Variants in ZMYM1 observed in about 807,000 individuals in gnomAD.
The protein encoded by ZMYM1 is zinc finger MYM-type containing 1, also known as zinc finger MYM-type protein 1.
Under a neutral mutation model 60.0 loss-of-function variants are expected in ZMYM1, and 39 were observed. The ratio of observed to expected loss-of-function variants is 0.65; its 90% CI spans 0.50 to 0.85. The LOEUF (loss-of-function observed/expected upper bound fraction) is 0.85. Among genes scored for constraint, ZMYM1 ranks in the 40% least tolerant of loss-of-function variants. ZMYM1 has a pLI of 0.00. For missense variants in ZMYM1, 1,171 were observed against 1,309.5 expected (o/e 0.89, Z 1.63); for synonymous variants, 413 against 454.0 (o/e 0.91, Z 1.15).
intron 6 of ZMYM1, 27 bp from the exon 7 acceptor site, chr1:35,110,267 A>G (rs1483737600): frequency 1.4e-6 from 2 of 1,426,728 alleles, no homozygotes; most frequent in African/African-American, 1.5e-5. Context: ...TACCAGGAAT[A>G]TGAATATTAT....
At chr1:35,116,835 A>ATTTTTTTTTTTTTTTTT (rs10671957), downstream of ZMYM1, among the ~76,000 whole-genome samples, 7 of 88,936 alleles carry the variant, frequency 7.9e-5, 1 homozygote, top group African/African-American at 3.2e-4. Flanking sequence ...TAGGCCTGGA[A>ATTTTTTTTTTTTTTTTT]TTTTTTTTTT....
At chr1:35,086,042 T>A (rs114380125) in intron 1 of ZMYM1, among the ~76,000 whole-genome samples, 2,265 of 152,300 alleles carry the variant, frequency 0.015, 51 homozygotes, top group African/African-American at 0.05. Context: ...TAAGCAAATT[T>A]TCAATGATGA....
intron 1 of ZMYM1, among the ~76,000 whole-genome samples, chr1:35,088,648 A>G (rs1285492922): frequency 6.6e-6 from 1 of 151,380 alleles, no homozygotes; most frequent in Non-Finnish European, 1.5e-5. Flanking sequence ...GTAGGGCTAT[A>G]TTAAAAGAAA....
At chr1:35,075,226 G>T (rs1245644038), upstream of ZMYM1, among the ~76,000 whole-genome samples, 1 of 152,052 alleles carries the variant, frequency 6.6e-6, no homozygotes, top group Non-Finnish European at 1.5e-5. Flanking sequence ...TTTGGTTTCT[G>T]TTTGCATAGA....
chr1:35,116,387 G>A (rs1200303061), downstream of ZMYM1, among the ~76,000 whole-genome samples: 1 of 152,140 alleles, frequency 6.6e-6, no homozygotes, highest in East Asian at 1.9e-4. Flanking sequence ...AAATTATTAA[G>A]CCATGTTATG....
chr1:35,079,969 G>A (rs1642284902), intron 1 of ZMYM1, among the ~76,000 whole-genome samples: 1 of 152,156 alleles, frequency 6.6e-6, no homozygotes, highest in Non-Finnish European at 1.5e-5. Context: ...AAAATTAGCT[G>A]GGCTTGGTGG....
intron 6 of ZMYM1, among the ~76,000 whole-genome samples, chr1:35,108,078 C>T (rs1643952895): frequency 6.6e-6 from 1 of 152,062 alleles, no homozygotes; most frequent in African/African-American, 2.4e-5. Flanking sequence ...TACCACTGCA[C>T]TCCAGCCTGG....
In ZMYM1 at chr1:35,114,210, C is replaced by G. The variant is rs1203207019; in HGVS notation, c.2380C>G (p.Leu794Val). Residue 794 changes from leucine to valine, a missense_variant, in exon 10 of 10, where the codon CTA (leucine) becomes GTA (valine). Physicochemically the swap from Leu to Val is conservative, Grantham distance 32 (BLOSUM62 1). Transcript: ENST00000359858. ...GGCAAATTTTCGAAACATTTATAGG[C>G]TAAGTCAAAACAAAACATGCAAGAA... ...MLANFRNIYR[L>V]SQNKTCKKHI... 1.9e-6 allele frequency: 3 copies of G among 1,613,354 alleles called. No individual in the cohort carries two copies. In the South Asian group the frequency reaches 3.3e-5, roughly 18 times the overall value.
At chr1:35,089,299 T>G (rs899916831) in intron 1 of ZMYM1, among the ~76,000 whole-genome samples, 4 of 152,212 alleles carry the variant, frequency 2.6e-5, no homozygotes, top group African/African-American at 9.6e-5. Flanking sequence ...AAGACTTGCA[T>G]GGCATGTGTA....
At chr1:35,116,544 G>A (rs1024915599), downstream of ZMYM1, among the ~76,000 whole-genome samples, 6 of 152,052 alleles carry the variant, frequency 3.9e-5, no homozygotes, top group African/African-American at 7.2e-5. Context: ...TGCAACCTCC[G>A]CCTCCCAGGT....
At chr1:35,076,910 G>C (rs1642176895), upstream of ZMYM1, among the ~76,000 whole-genome samples, 1 of 150,620 alleles carries the variant, frequency 6.6e-6, no homozygotes, top group African/African-American at 2.4e-5. Flanking sequence ...ACTCCAGCCA[G>C]GGTGACAAGA....
At chr1:35,069,814 A>G (rs1159032378) in intron 1 of ZMYM1, among the ~76,000 whole-genome samples, 2 of 152,052 alleles carry the variant, frequency 1.3e-5, no homozygotes, top group Admixed American at 6.6e-5. Context: ...TGCATATCCA[A>G]TTTTCCCAGC....
chr1:35,095,903 A>T lies in ZMYM1; in HGVS notation c.169+12A>T, dbSNP rs1266079213. ...GTTTTCAGAGAGTGGTAATAGAATTATTTAAGTTAGTTATGTTTATTCAGA... is the reference window on the plus strand; with the variant it reads ...GTTTTCAGAGAGTGGTAATAGAATTTTTTAAGTTAGTTATGTTTATTCAGA... On this transcript the variant is annotated intron_variant, in intron 3 of 9. Transcript: ENST00000359858. The T allele has an allele frequency of 6.4e-7, 1 of 1,568,294 alleles. No individual in the cohort carries two copies. Among genetic ancestry groups the T allele is most frequent in the Non-Finnish European group, 8.8e-7 (1 of 1,141,110 alleles).
At position 35,115,849 on chromosome 1, in the gene ZMYM1, G is replaced by A. The variant is rs1305057469; in HGVS notation, c.*590G>A. Reference sequence around the variant, plus strand: ...GAGAGTGCCTATTAAATCTTTGTAAGTGTTATCAAATGTTTTGATCTTTCC... The same window carrying A: ...GAGAGTGCCTATTAAATCTTTGTAAATGTTATCAAATGTTTTGATCTTTCC... On this transcript the variant is annotated 3_prime_UTR_variant, in exon 10 of 10. Transcript: ENST00000359858. 1 of 145,410 alleles carries A rather than the reference G, an allele frequency of 6.9e-6. No individual in the cohort carries two copies. Among genetic ancestry groups the A allele is most frequent in the Non-Finnish European group, 1.5e-5 (1 of 68,022 alleles). The allele number at this position is 145,410 out of a possible 1,614,324, so 9.0% of individuals were successfully genotyped here.
chr1:35,108,665 T>C (rs1189266858), intron 6 of ZMYM1, among the ~76,000 whole-genome samples: 1 of 151,862 alleles, frequency 6.6e-6, no homozygotes, highest in African/African-American at 2.4e-5. Flanking sequence ...TCTGTGTACT[T>C]TGCATCTCCA....
At chr1:35,080,314 C>CTTTTTTTTT (rs35214559) in intron 1 of ZMYM1, among the ~76,000 whole-genome samples, 1 of 125,512 alleles carries the variant, frequency 8.0e-6, no homozygotes. Flanking sequence ...ATTTGTGCTT[C>CTTTTTTTTT]TTTTTTTTTT....
intron 1 of ZMYM1, among the ~76,000 whole-genome samples, chr1:35,085,737 CTAATAGG>C: frequency 6.6e-6 from 1 of 152,178 alleles, no homozygotes; most frequent in Non-Finnish European, 1.5e-5. Context: ...CCACCTAGCT[CTAATAGG>C]GAATTATTGT....
Position 35,104,323 on chromosome 1 carries a change from A to C in ZMYM1, c.448A>C (p.Ser150Arg), listed in dbSNP as rs1643808610. 6.2e-7 allele frequency: 1 copy of C among 1,600,464 alleles called. No homozygotes were observed. Among genetic ancestry groups the C allele is most frequent in the South Asian group, 1.1e-5 (1 of 89,472 alleles). ...CATTTTAAATCCAAAGGATGTGATT[A>C]GTGTCCAGCTGGAAGACACTACCTC... Reference protein sequence around the residue: ...KDILNPKDVISVQLEDTTSCK... With the variant: ...KDILNPKDVIRVQLEDTTSCK... Residue 150 changes from serine (S) to arginine (R), a missense_variant, in exon 5 of 10, where the codon AGT becomes CGT. By Grantham distance (110) the Ser-to-Arg change is moderately radical. Transcript: ENST00000359858.
intron 4 of ZMYM1, among the ~76,000 whole-genome samples, chr1:35,098,425 G>C (rs78394948): frequency 0.058 from 8,774 of 152,186 alleles, 563 homozygotes; most frequent in East Asian, 0.39. Flanking sequence ...AAATGTTCTT[G>C]TTCAGAACAA....
Sources: gnomAD v4.1 joint callset for allele counts (sites outside exome capture counted in the v4.1 genomes callset) on GRCh38, gnomAD v4.1.1 for gene constraint, MANE v1.5 for transcripts, NCBI Gene and HGNC (gene_info 2026-07-23, HGNC 2026-07-21) for gene names.